The following PCCA variants were observed in gnomAD, a reference collection of about 807,000 sequenced individuals.
PCCA encodes the protein propionyl-CoA carboxylase subunit alpha.
Under a neutral mutation model 101.3 loss-of-function variants are expected in PCCA, and 74 were observed. The observed-to-expected ratio is 0.73, with a 90% confidence interval of 0.61 to 0.89. The LOEUF (loss-of-function observed/expected upper bound fraction) is 0.89. PCCA is among the 40% of genes least tolerant of loss of function. The pLI, the probability that PCCA is intolerant of heterozygous loss-of-function variation, is 0.00. For missense variants in PCCA, 891 were observed against 907.0 expected (o/e 0.98, Z 0.23); for synonymous variants, 294 against 313.6 (o/e 0.94, Z 0.66).
chr13:100,247,221 T>TTTTTTG (rs2061489336), intron 8 of PCCA, among the ~76,000 whole-genome samples: 1 of 146,788 alleles, frequency 6.8e-6, no homozygotes. Context: ...GTGGGTTTTT[T>TTTTTTG]TTTTTTTTTT....
intron 19 of PCCA, among the ~76,000 whole-genome samples, chr13:100,384,396 T>C (rs1384333114): frequency 6.6e-6 from 1 of 152,228 alleles, no homozygotes; most frequent in Admixed American, 6.5e-5. Flanking sequence ...AAAAATTCGA[T>C]GAACTTAGAA....
At chr13:100,089,903 G>C (rs1425436469) in intron 1 of PCCA, among the ~76,000 whole-genome samples, 1 of 152,188 alleles carries the variant, frequency 6.6e-6, no homozygotes, top group Non-Finnish European at 1.5e-5. Flanking sequence ...CATGATGGCA[G>C]ATTGACAAAC....
In PCCA at chr13:100,470,674, A is replaced by T. The variant is rs557715467; in HGVS notation, c.1899+21369A>T. ...CTGCAAAAAAATAAAAATAAAAAATAAAATTAAATTAAAAAATAAAAATAT... is the reference window on the plus strand; with the variant it reads ...CTGCAAAAAAATAAAAATAAAAAATTAAATTAAATTAAAAAATAAAAATAT... On this transcript the variant is annotated intron_variant, in intron 21 of 23. Coordinates refer to ENST00000376285, the MANE Select transcript of PCCA (RefSeq NM_000282.4). Among the ~76,000 whole-genome samples the T allele has an allele frequency of 5.4e-4, 82 of 152,176 alleles. 1 individual carries two copies. Among genetic ancestry groups the T allele is most frequent in the Admixed American group, 2.2e-3 (33 of 15,286 alleles).
intron 19 of PCCA, among the ~76,000 whole-genome samples, chr13:100,417,034 G>A (rs1020672895): frequency 4.5e-4 from 68 of 151,770 alleles, no homozygotes; most frequent in African/African-American, 1.6e-3. Context: ...GTAGAGACGG[G>A]GTTTCTCCAT....
At chr13:100,146,764 A>G (rs2052622738) in intron 4 of PCCA, among the ~76,000 whole-genome samples, 1 of 151,966 alleles carries the variant, frequency 6.6e-6, no homozygotes, top group African/African-American at 2.4e-5. Context: ...ATTAATCTCT[A>G]ATAGTAGTGT....
intron 20 of PCCA, among the ~76,000 whole-genome samples, chr13:100,428,849 C>T (rs900852143): frequency 6.6e-5 from 10 of 152,016 alleles, no homozygotes; most frequent in Non-Finnish European, 1.3e-4. Context: ...GGGTAGGAAC[C>T]GAGTCACATG....
intron 6 of PCCA, among the ~76,000 whole-genome samples, chr13:100,189,707 T>A (rs527708710): frequency 2.2e-4 from 33 of 152,318 alleles, no homozygotes; most frequent in African/African-American, 7.5e-4. Context: ...TTTAAAAAAA[T>A]ATATGTTGCC....
intron 19 of PCCA, among the ~76,000 whole-genome samples, chr13:100,398,833 C>T (rs9554685): frequency 0.24 from 36,341 of 151,992 alleles, 4,998 homozygotes; most frequent in East Asian, 0.57. Flanking sequence ...TTCCCGTAAG[C>T]TCCATCAACT....
At chr13:100,182,185 C>T (rs2056859504) in intron 6 of PCCA, among the ~76,000 whole-genome samples, 1 of 148,802 alleles carries the variant, frequency 6.7e-6, no homozygotes, top group South Asian at 2.1e-4. Context: ...GCAACCTCCA[C>T]CTCCCCGTTC....
At chr13:100,474,184 T>C (rs1419308129) in intron 21 of PCCA, among the ~76,000 whole-genome samples, 1 of 152,210 alleles carries the variant, frequency 6.6e-6, no homozygotes, top group Non-Finnish European at 1.5e-5. Context: ...CTGTCTAAAA[T>C]AGGCCAAAAC....
intron 12 of PCCA, among the ~76,000 whole-genome samples, chr13:100,288,463 A>AT (rs765024863): frequency 8.6e-5 from 13 of 152,028 alleles, no homozygotes; most frequent in Non-Finnish European, 1.9e-4. Context: ...CGCCTGGCTA[A>AT]TTTTTGTATT....
intron 21 of PCCA, among the ~76,000 whole-genome samples, chr13:100,479,114 C>T (rs1160842738): frequency 6.6e-6 from 1 of 152,160 alleles, no homozygotes; most frequent in Non-Finnish European, 1.5e-5. Context: ...TAGCTGGGCC[C>T]TTTTAGGTAA....
At chr13:100,238,386 T>G (rs1221377928) in intron 8 of PCCA, among the ~76,000 whole-genome samples, 1 of 152,186 alleles carries the variant, frequency 6.6e-6, no homozygotes. Flanking sequence ...TATTTTTTCC[T>G]ACTGAAGTTA....
At position 100,417,192 on chromosome 13, in the gene PCCA, T is replaced by C. The variant is rs562380984; in HGVS notation, c.1747-8441T>C. Among the ~76,000 whole-genome samples the C allele has an allele frequency of 1.1e-4, 17 of 152,364 alleles. No homozygotes were observed. In the South Asian group the frequency reaches 3.3e-3, roughly 30 times the overall value. ...TAATTTTCAACCAAACTGATATGTT[T>C]GGTTAAGCTGGGGAAAGTTTTCAGA... On this transcript the variant is annotated intron_variant, in intron 19 of 23. Coordinates refer to ENST00000376285, the MANE Select transcript of PCCA (RefSeq NM_000282.4).
chr13:100,357,014 A>C (rs1367888437), intron 18 of PCCA, among the ~76,000 whole-genome samples: 1 of 152,224 alleles, frequency 6.6e-6, no homozygotes, highest in African/African-American at 2.4e-5. Flanking sequence ...AGAAATCGAA[A>C]GTACATAACA....
intron 7 of PCCA, among the ~76,000 whole-genome samples, chr13:100,214,437 T>G (rs999400724): frequency 5.3e-5 from 8 of 151,762 alleles, no homozygotes; most frequent in African/African-American, 1.9e-4. Flanking sequence ...GTGTGTGTTT[T>G]TTTTTTTAGA....
At chr13:100,506,780 GA>G (rs2086112712) in intron 21 of PCCA, among the ~76,000 whole-genome samples, 3 of 152,078 alleles carry the variant, frequency 2.0e-5, no homozygotes, top group Admixed American at 2.0e-4. Context: ...GATAGGAGGA[GA>G]AAAAGGAAGA....
intron 12 of PCCA, among the ~76,000 whole-genome samples, chr13:100,299,355 A>G (rs1212204410): frequency 6.6e-6 from 1 of 152,144 alleles, no homozygotes; most frequent in Non-Finnish European, 1.5e-5. Context: ...GGATCTTGAA[A>G]CCTTCATAGT....
At chr13:100,165,940 A>G (rs2054993954) in intron 6 of PCCA, among the ~76,000 whole-genome samples, 1 of 152,218 alleles carries the variant, frequency 6.6e-6, no homozygotes, top group Admixed American at 6.5e-5. Context: ...TTCATTATTC[A>G]TTTACAGCTT....
Sources: allele counts gnomAD v4.1 joint callset (sites outside exome capture counted in the v4.1 genomes callset), GRCh38; gene constraint gnomAD v4.1.1; transcripts MANE v1.5; gene names NCBI Gene and HGNC (gene_info 2026-07-23, HGNC 2026-07-21).